Variants in PGK1 observed in about 807,000 individuals in gnomAD.
PGK1 encodes the protein phosphoglycerate kinase 1.
In PGK1, 3 loss-of-function variants were observed where a neutral mutation model predicts 26.9. That is an observed-to-expected ratio of 0.11 (90% CI 0.05 to 0.29). The LOEUF is 0.29. PGK1 is among the 10% of genes least tolerant of loss of function. The probability of loss-of-function intolerance (pLI) is 1.00; values close to 1 mark genes in which losing one functional copy is unlikely to be tolerated. For missense variants in PGK1, 270 were observed against 314.7 expected (o/e 0.86, Z 1.07); for synonymous variants, 125 against 115.3 (o/e 1.08, Z -0.54).
chrX:78,104,667 C>G (rs1569550712), intron 1 of PGK1, among the ~76,000 whole-genome samples: 1 of 111,357 alleles, frequency 9.0e-6, no homozygotes, highest in Non-Finnish European at 1.9e-5. Flanking sequence ...CCATTTTGTC[C>G]TTTTTCCTAT....
intron 2 of PGK1, 89 bp downstream of exon 2, chrX:78,110,006 A>G (rs1424640669): frequency 1.6e-6 from 1 of 616,092 alleles, no homozygotes; most frequent in African/African-American, 2.2e-5. Flanking sequence ...GTATTATGGA[A>G]CTGTAGCAAC....
At chrX:78,119,387 T>G in intron 6 of PGK1, among the ~76,000 whole-genome samples, 1 of 111,671 alleles carries the variant, frequency 9.0e-6, no homozygotes, top group Middle Eastern at 4.7e-3. Flanking sequence ...ACTGCTTGGA[T>G]AAGACAATTT....
At chrX:78,114,394 T>G in intron 4 of PGK1, among the ~76,000 whole-genome samples, 1 of 111,701 alleles carries the variant, frequency 9.0e-6, no homozygotes, top group Non-Finnish European at 1.9e-5. Context: ...GTTCAGGTGG[T>G]GTTTAAATAT....
chrX:78,126,831 T>C lies in PGK1; in HGVS notation c.*1001T>C, dbSNP rs1397288337. On this transcript the variant is annotated 3_prime_UTR_variant, in exon 11 of 11. Coordinates refer to ENST00000373316, the MANE Select transcript of PGK1 (RefSeq NM_000291.4). Reference sequence around the variant, plus strand: ...ATGATTAAATTTACTTATGTAACTTTTATTGTCTTTGGCATTAACAGTGTT... The same window carrying C: ...ATGATTAAATTTACTTATGTAACTTCTATTGTCTTTGGCATTAACAGTGTT... 1.8e-5 allele frequency: 2 copies of C among 112,315 alleles called. No homozygotes were observed. Among genetic ancestry groups the C allele is most frequent in the African/African-American group, 3.2e-5 (1 of 30,925 alleles). The allele number at this position is 112,315 out of a possible 1,213,427, so 9.3% of individuals were successfully genotyped here.
In PGK1 at chrX:78,104,281, C is replaced by T. The variant is rs192936390; in HGVS notation, c.-60C>T. The T allele has an allele frequency of 6.1e-4, 536 of 882,228 alleles. 2 individuals are homozygous for T. In the East Asian group the frequency reaches 0.014, roughly 23 times the overall value. The allele number at this position is 882,228 out of a possible 1,213,427, so 72.7% of individuals were successfully genotyped here. On this transcript the variant is annotated 5_prime_UTR_variant, in exon 1 of 11. Coordinates refer to ENST00000373316, the MANE Select transcript of PGK1 (RefSeq NM_000291.4). ...TTCTGCAAGCCTCCGGAGCGCACGTCGGCAGTCGGCTCCCTCGTTGACCGA... is the reference window on the plus strand; with the variant it reads ...TTCTGCAAGCCTCCGGAGCGCACGTTGGCAGTCGGCTCCCTCGTTGACCGA...
intron 4 of PGK1, among the ~76,000 whole-genome samples, 193 bp from the exon 5 acceptor site, chrX:78,117,119 C>T (rs1322485209): frequency 9.0e-6 from 1 of 111,233 alleles, no homozygotes; most frequent in African/African-American, 3.3e-5. Flanking sequence ...TAAGGGAGAG[C>T]AGAAACATGC....
In PGK1 at chrX:78,114,095, C is replaced by A. The variant is rs374169747; in HGVS notation, c.352C>A (p.Leu118Met). The A allele has an allele frequency of 1.6e-5, 19 of 1,208,351 alleles. No homozygotes were observed. The highest frequency in any genetic ancestry group is 2.1e-5 in the Non-Finnish European group (19 of 893,726). ...CAACCCAGCTGCTGGGTCTGTCATCCTGCTGGAGAACCTCCGCTTTCATGT... is the reference window on the plus strand; with the variant it reads ...CAACCCAGCTGCTGGGTCTGTCATCATGCTGGAGAACCTCCGCTTTCATGT... ...CANPAAGSVILLENLRFHVEE... is the reference protein window; with the variant it reads ...CANPAAGSVIMLENLRFHVEE... The change falls in exon 4 of 11, where the codon CTG becomes ATG. Residue 118 changes from leucine (L) to methionine (M), a missense_variant. Transcript: ENST00000373316.
rs1557246703 is a variant in PGK1, at chrX:78,109,897, C to A, written c.96C>A (p.Asn32Lys). The A allele has an allele frequency of 1.7e-6, 2 of 1,195,360 alleles. No individual in the cohort carries two copies. Among genetic ancestry groups the A allele is most frequent in the African/African-American group, 1.7e-5 (1 of 57,343 alleles). ...RVDFNVPMKNNQITNNQRIKA... is the reference protein window; with the variant it reads ...RVDFNVPMKNKQITNNQRIKA... The stretch of plus-strand genomic sequence containing the variant: ...ACTTCAATGTTCCTATGAAGAACAA[C>A]CAGATAACAAACAACCAGAGGTAAG... Residue 32 changes from asparagine (N) to lysine (K), a missense_variant, in exon 2 of 11, where the codon AAC (asparagine) becomes AAA (lysine). By Grantham distance (94) the Asn-to-Lys change is moderately conservative. Around this residue, in one of 3 missense-constraint regions of PGK1, gnomAD observed 150 missense variants for 154.6 expected, o/e 0.97. Coordinates refer to ENST00000373316, the MANE Select transcript of PGK1 (RefSeq NM_000291.4).
At chrX:78,113,578 G>A (rs782195486) in intron 2 of PGK1, among the ~76,000 whole-genome samples, 166 bp from the exon 3 acceptor site, 4 of 112,117 alleles carry the variant, frequency 3.6e-5, no homozygotes, top group African/African-American at 9.7e-5. Context: ...TGGAGGGTTG[G>A]CATTGCATTT....
intron 6 of PGK1, 74 bp downstream of exon 6, chrX:78,118,244 T>C: frequency 9.5e-7 from 1 of 1,055,317 alleles, no homozygotes; most frequent in Non-Finnish European, 1.3e-6. Flanking sequence ...GGTGGTTTAT[T>C]GTCATATAGC....
intron 1 of PGK1, chrX:78,106,496 G>A (rs2078273326): frequency 2.7e-6 from 2 of 752,728 alleles, no homozygotes; most frequent in South Asian, 6.8e-5. Flanking sequence ...GCCATGTGGT[G>A]TCAGCTCAAT....
At chrX:78,111,905 A>T (rs2078303327) in intron 2 of PGK1, among the ~76,000 whole-genome samples, 2 of 112,648 alleles carry the variant, frequency 1.8e-5, no homozygotes, top group Admixed American at 9.4e-5. Flanking sequence ...AAACTTGCTG[A>T]TAAGGGATAG....
chrX:78,124,482 G>GT (rs1464007131), intron 8 of PGK1, among the ~76,000 whole-genome samples: 4 of 110,570 alleles, frequency 3.6e-5, no homozygotes, highest in African/African-American at 1.3e-4. Flanking sequence ...CTGTTGAATT[G>GT]TAAGGTTGTT....
chrX:78,124,331 G>C (rs1357570731), intron 8 of PGK1, among the ~76,000 whole-genome samples: 3 of 111,707 alleles, frequency 2.7e-5, no homozygotes, highest in African/African-American at 6.5e-5. Flanking sequence ...CAGACCTACC[G>C]AATCAGGAAC....
intron 6 of PGK1, among the ~76,000 whole-genome samples, chrX:78,119,185 A>G (rs1310727923): frequency 5.4e-5 from 6 of 111,985 alleles, no homozygotes; most frequent in Admixed American, 4.7e-4. Context: ...GCAGGGTATA[A>G]CTATGAAAAC....
intron 1 of PGK1, among the ~76,000 whole-genome samples, chrX:78,107,856 T>G (rs916270944): frequency 2.7e-5 from 3 of 111,366 alleles, no homozygotes; most frequent in Admixed American, 9.6e-5. Flanking sequence ...AGTAATCAGT[T>G]TCTCTGCTTC....
rs1306965159 is a variant in PGK1 at position 78,126,145 on chromosome X, G to A, written c.*315G>A. The stretch of plus-strand genomic sequence containing the variant: ...TTAGCTTAGTTCTCTTTTGATGTAG[G>A]TTATTATGATTAGCTTTGTCACTGT... On this transcript the variant is annotated 3_prime_UTR_variant, in exon 11 of 11. Coordinates refer to ENST00000373316, the MANE Select transcript of PGK1 (RefSeq NM_000291.4). 4 of 281,465 alleles carry A rather than the reference G, an allele frequency of 1.4e-5. No individual in the cohort carries two copies. Among genetic ancestry groups the A allele is most frequent in the Non-Finnish European group, 2.5e-5 (4 of 157,874 alleles). 23.2% of individuals were successfully genotyped at this position (281,465 alleles called of 1,213,427 possible).
chrX:78,125,273 T>A, intron 9 of PGK1, 54 bp from the exon 10 acceptor site: 1 of 981,534 alleles, frequency 1.0e-6, no homozygotes, highest in Non-Finnish European at 1.5e-6. Context: ...TTGGTGCCAA[T>A]CCCTTTTTTT....
intron 9 of PGK1, 55 bp downstream of exon 9, chrX:78,125,106 G>A: frequency 9.7e-7 from 1 of 1,035,412 alleles, no homozygotes; most frequent in Non-Finnish European, 1.4e-6. Flanking sequence ...ATTCTGATCA[G>A]AGGAAGGTGG....
Sources: allele counts gnomAD v4.1 joint callset (sites outside exome capture counted in the v4.1 genomes callset), GRCh38; gene constraint gnomAD v4.1.1; regional missense constraint gnomAD v4.1.1; transcripts MANE v1.5; gene names NCBI Gene and HGNC (gene_info 2026-07-23, HGNC 2026-07-21).